Variants in UGT1A5 observed in about 807,000 individuals in gnomAD.
UGT1A5 encodes the protein UDP-glucuronosyltransferase 1A5.
UGT1A5 carries 29 observed loss-of-function variants against 40.3 expected under a neutral mutation model. That is an observed-to-expected ratio of 0.72 (90% CI 0.54 to 0.98). The LOEUF is 0.98. Among genes scored for constraint, UGT1A5 ranks in the 50% least tolerant of loss-of-function variants. UGT1A5 has a pLI of 0.00. For missense variants in UGT1A5, 678 were observed against 677.9 expected (o/e 1.00, Z 0.00); for synonymous variants, 257 against 262.5 (o/e 0.98, Z 0.20).
intron 1 of UGT1A5, chr2:233,755,178 T>C: frequency 8.1e-7 from 1 of 1,236,812 alleles, no homozygotes; most frequent in Non-Finnish European, 1.1e-6. Flanking sequence ...TTTGTCGGGG[T>C]GCCACTTGAG....
intron 2 of UGT1A5, 46 bp downstream of exon 2, chr2:233,767,211 C>T (rs780479302): frequency 1.9e-5 from 30 of 1,612,468 alleles, no homozygotes; most frequent in South Asian, 1.5e-4. Flanking sequence ...TTCACAGGAG[C>T]GCTAATCCCA....
intron 1 of UGT1A5, chr2:233,747,106 CATG>C: frequency 1.5e-6 from 2 of 1,377,620 alleles, no homozygotes; most frequent in Non-Finnish European, 2.0e-6. Context: ...CTTCCAATTA[CATG>C]ATGATTTGCT....
intron 1 of UGT1A5, chr2:233,760,456 A>T (rs1341101614): frequency 6.2e-7 from 1 of 1,614,230 alleles, no homozygotes; most frequent in Non-Finnish European, 8.5e-7. Flanking sequence ...GGGACATGAA[A>T]TAGTTGTCCT....
At chr2:233,734,042 CA>C (rs1279505010) in intron 1 of UGT1A5, among the ~76,000 whole-genome samples, 9 of 152,058 alleles carry the variant, frequency 5.9e-5, no homozygotes, top group Non-Finnish European at 1.5e-5. Context: ...ACCAACATGG[CA>C]CATGTATACA....
chr2:233,760,963 G>A (rs761943511), intron 1 of UGT1A5: 5 of 1,614,162 alleles, frequency 3.1e-6, no homozygotes, highest in African/African-American at 1.3e-5. Flanking sequence ...GTGCGACGTG[G>A]TTTATTCCCC....
chr2:233,743,667 C>A, intron 1 of UGT1A5: 1 of 1,367,226 alleles, frequency 7.3e-7, no homozygotes, highest in Non-Finnish European at 9.8e-7. Context: ...AAGGGGTCCT[C>A]GAAGGGCCTG....
intron 1 of UGT1A5, among the ~76,000 whole-genome samples, chr2:233,719,849 T>C (rs1418135949): frequency 6.6e-6 from 1 of 152,222 alleles, no homozygotes; most frequent in Non-Finnish European, 1.5e-5. Context: ...ATTTCAAGTT[T>C]TCAGTGGTCA....
intron 1 of UGT1A5, among the ~76,000 whole-genome samples, chr2:233,764,578 C>T (rs146266932): frequency 2.0e-4 from 31 of 152,244 alleles, no homozygotes; most frequent in African/African-American, 6.5e-4. Flanking sequence ...AACTTAGACT[C>T]GGCCTTTTCC....
chr2:233,746,472 A>G (rs1693402163), intron 1 of UGT1A5, among the ~76,000 whole-genome samples: 1 of 151,654 alleles, frequency 6.6e-6, no homozygotes, highest in Admixed American at 6.6e-5. Flanking sequence ...GGTTCCAGAA[A>G]CACTTTCCAT....
At position 233,767,094 on chromosome 2, in the gene UGT1A5, T is replaced by C; in HGVS notation, c.928T>C (p.Ser310Pro). The change falls in exon 2 of 5, where the codon TCA (serine) becomes CCA (proline). Residue 310 changes from serine (S) to proline (P), a missense_variant. Ser to Pro is a moderately conservative substitution (Grantham distance 74). Transcript: ENST00000373414. ...EHGIVVFSLG[S>P]MVSEIPEKKA... is the part of the protein sequence containing the mutation. The stretch of plus-strand genomic sequence containing the variant: ...TGGAATTGTGGTTTTCTCTTTGGGA[T>C]CAATGGTCTCAGAAATTCCAGAGAA... The C allele has an allele frequency of 1.2e-6, 2 of 1,614,120 alleles. No individual in the cohort carries two copies. The highest frequency in any genetic ancestry group is 1.7e-6 in the Non-Finnish European group (2 of 1,180,014).
At chr2:233,767,620 G>T (rs555830057) in intron 2 of UGT1A5, among the ~76,000 whole-genome samples, 1 of 152,270 alleles carries the variant, frequency 6.6e-6, no homozygotes, top group South Asian at 2.1e-4. Flanking sequence ...TAAGTGCACA[G>T]CTTGATAAAT....
chr2:233,718,024 G>C (rs566004281), intron 1 of UGT1A5: 1 of 386,248 alleles, frequency 2.6e-6, no homozygotes, highest in East Asian at 7.2e-5. Flanking sequence ...CAGCTCCCCA[G>C]GTCCTTTGGT....
chr2:233,732,686 C>T (rs1472057155), intron 1 of UGT1A5, among the ~76,000 whole-genome samples: 1 of 151,722 alleles, frequency 6.6e-6, no homozygotes, highest in African/African-American at 2.4e-5. Flanking sequence ...GGTACCAGCA[C>T]CCATGCTGTT....
chr2:233,717,734 G>A lies in UGT1A5; in HGVS notation c.867+3876G>A, dbSNP rs563372947. The stretch of plus-strand genomic sequence containing the variant: ...CCTCATGGGCATGAGACCATTGTGA[G>A]TGCTCAGGGTCTCCCCCTAGAAAGG... On this transcript the variant is annotated intron_variant, in intron 1 of 4. Transcript: ENST00000373414. 8.8e-6 allele frequency: 4 copies of A among 456,274 alleles called. No homozygotes were observed. The East Asian group carries it at 2.1e-4, about 24-fold the overall frequency. 28.3% of individuals were successfully genotyped at this position (456,274 alleles called of 1,614,324 possible). A position where few individuals can be genotyped will look rare whatever the true frequency, so the allele number is the denominator to read the frequency against.
At chr2:233,757,414 C>T (rs1409954571) in intron 1 of UGT1A5, among the ~76,000 whole-genome samples, 3 of 151,192 alleles carry the variant, frequency 2.0e-5, no homozygotes, top group East Asian at 2.0e-4. Context: ...GGGTCTAGAA[C>T]GAAAAGAGAA....
chr2:233,769,088 T>C lies in UGT1A5; in HGVS notation c.1307+649T>C, dbSNP rs1699789125. 2.0e-5 allele frequency among the ~76,000 whole-genome samples: 3 copies of C among 152,168 alleles called. No homozygotes were observed. Among genetic ancestry groups the C allele is most frequent in the African/African-American group, 7.2e-5 (3 of 41,420 alleles). The stretch of plus-strand genomic sequence containing the variant: ...AAGAAATACTCCATTATAAGAAGCA[T>C]AGTATCTTTAAGAGAAAAACAACTC... On this transcript the variant is annotated intron_variant, in intron 4 of 4. Coordinates refer to ENST00000373414, the MANE Select transcript of UGT1A5 (RefSeq NM_019078.2). This position sits in a 1 kb window ranked among gnomAD's most constrained non-coding sequence, Gnocchi z 4.4.
chr2:233,751,166 C>A lies in UGT1A5; in HGVS notation c.868-15868C>A, dbSNP rs1022992608. ...AGCCCACTTCTGGCATCAGCATGAC[C>A]TAGATATGAGACATGAAGTTAAAGG... On this transcript the variant is annotated intron_variant, in intron 1 of 4. Transcript: ENST00000373414. 3.9e-5 allele frequency among the ~76,000 whole-genome samples: 6 copies of A among 151,970 alleles called. 1 individual carries two copies. Among genetic ancestry groups the A allele is most frequent in the African/African-American group, 1.5e-4 (6 of 41,220 alleles).
intron 3 of UGT1A5, 132 bp downstream of exon 3, chr2:233,768,068 A>G: frequency 1.3e-6 from 2 of 1,596,810 alleles, no homozygotes; most frequent in Admixed American, 3.5e-5. Flanking sequence ...CTTTTTATCT[A>G]GTGGGGTATC....
rs1699877276 is a variant in UGT1A5, at chr2:233,769,473, G to T, written c.1307+1034G>T. 7 of 1,609,972 alleles carry T rather than the reference G, an allele frequency of 4.3e-6. No homozygotes were observed. Among genetic ancestry groups the T allele is most frequent in the South Asian group, 2.2e-5 (2 of 90,952 alleles). On this transcript the variant is annotated intron_variant, in intron 4 of 4. Transcript: ENST00000373414. The surrounding 1 kb of genome is among the most constrained non-coding windows in gnomAD (Gnocchi z 4.4). ...CGTGTGCATTCATATGCGTGTGTGT[G>T]TGTGTGCGTGTGTTTATGAGAGTGT... is the stretch of plus-strand genomic sequence containing the variant.
Sources: gnomAD v4.1 joint callset for allele counts (sites outside exome capture counted in the v4.1 genomes callset) on GRCh38, gnomAD v4.1.1 for gene constraint, Gnocchi (gnomAD v3.1) non-coding constraint, MANE v1.5 for transcripts, NCBI Gene and HGNC (gene_info 2026-07-23, HGNC 2026-07-21) for gene names.